APP: variants seen among roughly 807,000 people sequenced by gnomAD.
APP encodes the protein amyloid-beta precursor protein.
In APP, 31 loss-of-function variants were observed where a neutral mutation model predicts 101.4. The observed-to-expected ratio is 0.31, with a 90% confidence interval of 0.23 to 0.41. The LOEUF is 0.41. Ranked by LOEUF, APP falls within the 10% of genes least tolerant of loss-of-function variation. The pLI is 1.00. For missense variants in APP, 839 were observed against 1,003.7 expected, an observed-to-expected ratio of 0.84 and a Z score of 2.22; for synonymous variants, 366 against 364.4, an observed-to-expected ratio of 1.00 and a Z score of -0.05.
chr21:25,955,883 G>A, intron 11 of APP, 128 bp from the exon 12 acceptor site: 1 of 1,363,592 alleles, frequency 7.3e-7, no homozygotes. Flanking sequence ...CCTTTTTGCA[G>A]GTCTGCCTTC....
intron 4 of APP, among the ~76,000 whole-genome samples, chr21:26,051,863 G>A (rs1250935856): frequency 6.6e-6 from 1 of 152,174 alleles, no homozygotes; most frequent in Admixed American, 6.5e-5. Context: ...CATAAAGGTA[G>A]ACAATGAAAA....
intron 1 of APP, among the ~76,000 whole-genome samples, chr21:26,160,764 AC>A (rs1171857495): frequency 6.6e-6 from 1 of 152,168 alleles, no homozygotes; most frequent in Non-Finnish European, 1.5e-5. Flanking sequence ...ACTTCTTCAC[AC>A]AAAATTATGT....
At chr21:26,081,333 A>G (rs977027222) in intron 3 of APP, among the ~76,000 whole-genome samples, 72 of 139,634 alleles carry the variant, frequency 5.2e-4, no homozygotes, top group African/African-American at 1.8e-3. Flanking sequence ...GAGATGGGGT[A>G]GGGCCATTTT....
At chr21:26,012,203 G>GAGTTAGGTTGCTTGCA (rs1460116944) in intron 6 of APP, among the ~76,000 whole-genome samples, 3 of 151,770 alleles carry the variant, frequency 2.0e-5, no homozygotes, top group Non-Finnish European at 4.4e-5. Flanking sequence ...CTCCCTATGG[G>GAGTTAGGTTGCTTGCA]GCCCAGGCTG....
chr21:25,977,904 T>C (rs968316804), intron 9 of APP, among the ~76,000 whole-genome samples: 1 of 152,236 alleles, frequency 6.6e-6, no homozygotes, highest in Non-Finnish European at 1.5e-5. Flanking sequence ...GCAATATAAA[T>C]ATTTCAATTT....
At chr21:26,089,863 G>C (rs988569513) in intron 3 of APP, 80 bp downstream of exon 3, 11 of 1,599,806 alleles carry the variant, frequency 6.9e-6, no homozygotes, top group Non-Finnish European at 9.4e-6. Flanking sequence ...CTGTGTATGT[G>C]ACCTAACAGG....
chr21:26,152,334 C>A, intron 1 of APP, among the ~76,000 whole-genome samples: 1 of 145,696 alleles, frequency 6.9e-6, no homozygotes, highest in African/African-American at 2.6e-5. Context: ...ATAGACATTT[C>A]TAAAAAGCAA....
At chr21:26,025,046 G>A (rs1251471652) in intron 5 of APP, among the ~76,000 whole-genome samples, 1 of 152,142 alleles carries the variant, frequency 6.6e-6, no homozygotes, top group Non-Finnish European at 1.5e-5. Context: ...AGAAAACACT[G>A]GCACTGAAAA....
intron 13 of APP, among the ~76,000 whole-genome samples, chr21:25,930,067 G>C (rs1270846535): frequency 1.3e-5 from 2 of 152,170 alleles, no homozygotes; most frequent in African/African-American, 4.8e-5. Context: ...CTGAATTTCA[G>C]CTCCAACCTG....
At chr21:26,040,149 A>G (rs1289660850) in intron 5 of APP, among the ~76,000 whole-genome samples, 1 of 152,214 alleles carries the variant, frequency 6.6e-6, no homozygotes, top group Non-Finnish European at 1.5e-5. Context: ...TGTTTCAGAA[A>G]GGAAGTTTGT....
At chr21:25,912,096 A>T (rs1011179097) in intron 13 of APP, 134 bp from the exon 14 acceptor site, 8 of 733,408 alleles carry the variant, frequency 1.1e-5, no homozygotes, top group East Asian at 5.4e-5. Flanking sequence ...GAGCCATGAC[A>T]TAGGTACCAT....
intron 5 of APP, among the ~76,000 whole-genome samples, chr21:26,040,989 C>CA (rs1260793920): frequency 1.3e-5 from 2 of 151,970 alleles, no homozygotes; most frequent in African/African-American, 2.4e-5. Context: ...ACAGGGAGGG[C>CA]AAAAAAGGAA....
intron 13 of APP, among the ~76,000 whole-genome samples, chr21:25,930,982 C>T: frequency 6.6e-6 from 1 of 152,174 alleles, no homozygotes; most frequent in South Asian, 2.1e-4. Flanking sequence ...TGAAAAGAGT[C>T]ACTTTAAAAG....
At chr21:25,970,229 T>C (rs565939726) in intron 11 of APP, among the ~76,000 whole-genome samples, 1 of 152,210 alleles carries the variant, frequency 6.6e-6, no homozygotes, top group African/African-American at 2.4e-5. Context: ...TCTAAAATTA[T>C]CCCCTTTGAT....
chr21:25,911,707 C>T, intron 14 of APP, 34 bp downstream of exon 14: 1 of 1,592,618 alleles, frequency 6.3e-7, no homozygotes, highest in Non-Finnish European at 8.6e-7. Flanking sequence ...TATATACCTC[C>T]CAGAACGCCC....
intron 11 of APP, among the ~76,000 whole-genome samples, chr21:25,970,648 T>C (rs1358099867): frequency 6.6e-6 from 1 of 152,240 alleles, no homozygotes; most frequent in Non-Finnish European, 1.5e-5. Flanking sequence ...GAATATTCTT[T>C]TTCAAAAGCT....
At chr21:25,890,517 G>C (rs902753519) in intron 17 of APP, among the ~76,000 whole-genome samples, 1 of 152,126 alleles carries the variant, frequency 6.6e-6, no homozygotes, top group Non-Finnish European at 1.5e-5. Context: ...AAGGCGGGTG[G>C]ATCACCTGAG....
intron 6 of APP, among the ~76,000 whole-genome samples, chr21:26,007,065 T>TC (rs2043561811): frequency 2.0e-5 from 3 of 151,990 alleles, no homozygotes; most frequent in Non-Finnish European, 4.4e-5. Flanking sequence ...TTTCTGAACT[T>TC]TTTTTTAAAA....
intron 3 of APP, among the ~76,000 whole-genome samples, chr21:26,055,731 G>C (rs1301194368): frequency 6.6e-6 from 1 of 152,170 alleles, no homozygotes; most frequent in Non-Finnish European, 1.5e-5. Flanking sequence ...TATTTGACAA[G>C]TAACTACTGG....
Sources: allele counts gnomAD v4.1 joint callset (sites outside exome capture counted in the v4.1 genomes callset), GRCh38; gene constraint gnomAD v4.1.1; transcripts MANE v1.5; gene names NCBI Gene and HGNC (gene_info 2026-07-23, HGNC 2026-07-21).